EPHB1: variants seen among roughly 807,000 people sequenced by gnomAD.
EPHB1 encodes EPH receptor B1.
In EPHB1, 30 loss-of-function variants were observed where a neutral mutation model predicts 94.4. That is an observed-to-expected ratio of 0.32 (90% confidence interval 0.24 to 0.43). EPHB1 has a LOEUF of 0.43. EPHB1 is among the 20% of genes least tolerant of loss of function. The pLI, the probability that EPHB1 is intolerant of heterozygous loss-of-function variation, is 1.00. For synonymous variants in EPHB1, 522 were observed against 489.1 expected (o/e 1.07, Z -0.89); for missense variants, 1,055 against 1,308.3 (o/e 0.81, Z 2.99).
intron 2 of EPHB1, among the ~76,000 whole-genome samples, chr3:134,927,789 A>G (rs911363735): frequency 2.0e-5 from 3 of 152,218 alleles, no homozygotes; most frequent in African/African-American, 4.8e-5. Context: ...TGCTACCAGC[A>G]TGCTCAGCTG....
chr3:134,959,171 G>A (rs1933403099), intron 3 of EPHB1, among the ~76,000 whole-genome samples: 1 of 152,178 alleles, frequency 6.6e-6, no homozygotes, highest in African/African-American at 2.4e-5. Flanking sequence ...CACCACGTCA[G>A]GAGTCCAATA....
At chr3:134,972,439 ATAT>A (rs996211799) in intron 3 of EPHB1, among the ~76,000 whole-genome samples, 1 of 145,602 alleles carries the variant, frequency 6.9e-6, no homozygotes, top group Non-Finnish European at 1.5e-5. Context: ...GAGGTAATAT[ATAT>A]TATATGTATT....
At chr3:135,235,603 A>G (rs1370213056) in intron 12 of EPHB1, among the ~76,000 whole-genome samples, 1 of 152,238 alleles carries the variant, frequency 6.6e-6, no homozygotes, top group Admixed American at 6.5e-5. Context: ...GGCTTTAAAA[A>G]CAAGCAAACA....
chr3:135,140,293 A>G (rs1464630518), intron 5 of EPHB1, among the ~76,000 whole-genome samples: 1 of 152,172 alleles, frequency 6.6e-6, no homozygotes, highest in Non-Finnish European at 1.5e-5. Flanking sequence ...TCCATCCTCC[A>G]TGCTCCTGTG....
intron 12 of EPHB1, among the ~76,000 whole-genome samples, chr3:135,210,973 C>A (rs1943019594): frequency 6.6e-6 from 1 of 152,200 alleles, no homozygotes; most frequent in Admixed American, 6.5e-5. Context: ...GGTATTGCAT[C>A]CCTCTCCACC....
chr3:135,181,071 T>C (rs769184993), intron 10 of EPHB1, among the ~76,000 whole-genome samples: 2 of 152,214 alleles, frequency 1.3e-5, no homozygotes, highest in Non-Finnish European at 2.9e-5. Context: ...AGGGGGAATG[T>C]CACCATCTTT....
chr3:134,921,456 C>T (rs574279227), intron 1 of EPHB1, among the ~76,000 whole-genome samples: 41 of 152,310 alleles, frequency 2.7e-4, no homozygotes, highest in Middle Eastern at 3.4e-3. Flanking sequence ...GTCTTTTTCT[C>T]ATAGGCTCAG....
At chr3:135,030,380 G>T (rs1020236045) in intron 3 of EPHB1, among the ~76,000 whole-genome samples, 152 of 152,258 alleles carry the variant, frequency 1.0e-3, no homozygotes, top group Non-Finnish European at 1.6e-3. Flanking sequence ...CTTTGATGAT[G>T]GTGATGTACA....
intron 9 of EPHB1, 142 bp from the exon 10 acceptor site, chr3:135,179,718 G>T: frequency 1.2e-6 from 1 of 869,172 alleles, no homozygotes. Flanking sequence ...CCCAGCAAGA[G>T]GAGGAGAGGC....
intron 5 of EPHB1, among the ~76,000 whole-genome samples, chr3:135,146,637 G>A (rs6799410): frequency 1 from 152,052 of 152,388 alleles, 75,859 homozygotes; most frequent in Non-Finnish European, 1. Flanking sequence ...CTTCTGGAGC[G>A]TTTATCACTC....
chr3:134,864,073 G>GTCCTCTC (rs1368519090), intron 1 of EPHB1, among the ~76,000 whole-genome samples: 10 of 152,164 alleles, frequency 6.6e-5, no homozygotes, highest in Non-Finnish European at 1.5e-4. Flanking sequence ...CCTGTCCTCT[G>GTCCTCTC]TCCTCTAAGA....
chr3:134,936,988 G>T (rs890201132), intron 2 of EPHB1, among the ~76,000 whole-genome samples: 1 of 152,210 alleles, frequency 6.6e-6, no homozygotes, highest in Non-Finnish European at 1.5e-5. Flanking sequence ...AGCAGTCCTG[G>T]TGCCAGTTGA....
intron 1 of EPHB1, among the ~76,000 whole-genome samples, chr3:134,907,814 T>G (rs924151074): frequency 6.6e-6 from 1 of 152,230 alleles, no homozygotes; most frequent in African/African-American, 2.4e-5. Context: ...TGTCATTGAC[T>G]GATTGCATTT....
chr3:135,047,564 C>A (rs1937037629), intron 3 of EPHB1, among the ~76,000 whole-genome samples: 1 of 152,210 alleles, frequency 6.6e-6, no homozygotes, highest in African/African-American at 2.4e-5. Flanking sequence ...TCCCTGCCTG[C>A]AGCTCTCAGC....
chr3:134,950,028 A>G (rs1419451086), intron 2 of EPHB1, among the ~76,000 whole-genome samples: 1 of 152,242 alleles, frequency 6.6e-6, no homozygotes, highest in South Asian at 2.1e-4. Flanking sequence ...GACCATTCAA[A>G]GTATTTCTTA....
chr3:135,180,186 C>T (rs932499367), intron 10 of EPHB1, among the ~76,000 whole-genome samples: 7 of 152,166 alleles, frequency 4.6e-5, no homozygotes, highest in Admixed American at 2.6e-4. Flanking sequence ...GGGACCTTGA[C>T]CATGGTGGCC....
intron 3 of EPHB1, among the ~76,000 whole-genome samples, chr3:135,046,983 T>G (rs1244026011): frequency 1.3e-5 from 2 of 152,212 alleles, no homozygotes; most frequent in East Asian, 3.8e-4. Flanking sequence ...TCTGTGGCCC[T>G]GAGCTTGATG....
chr3:134,965,168 G>A (rs528327428), intron 3 of EPHB1, among the ~76,000 whole-genome samples: 10 of 151,980 alleles, frequency 6.6e-5, no homozygotes, highest in Non-Finnish European at 1.5e-4. Flanking sequence ...ACCTTCTTCA[G>A]CCCCATTCTT....
chr3:135,071,374 C>T (rs1274299738), intron 3 of EPHB1, among the ~76,000 whole-genome samples: 3 of 152,160 alleles, frequency 2.0e-5, no homozygotes, highest in African/African-American at 7.2e-5. Flanking sequence ...TCAAAGGAGG[C>T]AAAGATCATT....
Sources: gnomAD v4.1 joint callset for allele counts (sites outside exome capture counted in the v4.1 genomes callset) on GRCh38, gnomAD v4.1.1 for gene constraint, MANE v1.5 for transcripts, NCBI Gene and HGNC (gene_info 2026-07-23, HGNC 2026-07-21) for gene names.